The following PDE1C variants were observed in gnomAD, a reference collection of about 807,000 sequenced individuals.
PDE1C encodes the protein dual specificity calcium/calmodulin-dependent 3',5'-cyclic nucleotide phosphodiesterase 1C.
Under a neutral mutation model 93.1 loss-of-function variants are expected in PDE1C, and 62 were observed. That is an observed-to-expected ratio of 0.67 (90% confidence interval 0.54 to 0.82). PDE1C has a LOEUF of 0.82. PDE1C is among the 40% of genes least tolerant of loss of function. PDE1C has a pLI of 0.00. For synonymous variants in PDE1C, 325 were observed against 310.1 expected (o/e 1.05, Z -0.50); for missense variants, 742 against 884.6 (o/e 0.84, Z 2.04).
At chr7:31,775,761 A>T (rs774480230) in intron 16 of PDE1C, 29 bp from the exon 17 acceptor site, 15 of 1,593,596 alleles carry the variant, frequency 9.4e-6, no homozygotes, top group Non-Finnish European at 1.3e-5. Flanking sequence ...GGATAAGGAA[A>T]AGTAGGATTG....
At chr7:31,800,515 T>C (rs931864143) in intron 16 of PDE1C, among the ~76,000 whole-genome samples, 9 of 151,570 alleles carry the variant, frequency 5.9e-5, no homozygotes, top group Non-Finnish European at 1.0e-4. Flanking sequence ...GGAATTGTCT[T>C]TGCCCTTTAT....
At chr7:31,918,418 G>A (rs933589740) in intron 2 of PDE1C, among the ~76,000 whole-genome samples, 7 of 152,198 alleles carry the variant, frequency 4.6e-5, no homozygotes, top group Non-Finnish European at 1.0e-4. Context: ...GTAACCCCAC[G>A]AAGACCCAAG....
At chr7:31,887,878 A>T (rs1032519063) in intron 2 of PDE1C, among the ~76,000 whole-genome samples, 3 of 152,230 alleles carry the variant, frequency 2.0e-5, no homozygotes, top group African/African-American at 7.2e-5. Context: ...CAAAGGTTAA[A>T]TCACAAAATA....
intron 17 of PDE1C, among the ~76,000 whole-genome samples, chr7:31,773,618 C>T (rs77480933): frequency 0.018 from 2,718 of 152,126 alleles, 81 homozygotes; most frequent in African/African-American, 0.061. Context: ...CTACTCACTA[C>T]TCAAAAGCAA....
At chr7:32,151,780 G>C (rs1801274413) in intron 3 of PDE1C, among the ~76,000 whole-genome samples, 1 of 152,168 alleles carries the variant, frequency 6.6e-6, no homozygotes, top group Non-Finnish European at 1.5e-5. Flanking sequence ...GGAAGAAGGA[G>C]TTACAACAGA....
At chr7:32,086,244 C>G (rs1797064586) in intron 3 of PDE1C, among the ~76,000 whole-genome samples, 1 of 148,098 alleles carries the variant, frequency 6.8e-6, no homozygotes, top group African/African-American at 2.5e-5. Context: ...TGAGTGAACT[C>G]CCATTCACAA....
the PDE1C span, chr7:31,642,858 G>A: frequency 6.2e-7 from 1 of 1,613,994 alleles, no homozygotes; most frequent in Non-Finnish European, 8.5e-7. Context: ...TGGAACAAAG[G>A]GCCTCAGTAT....
chr7:31,973,832 A>G (rs970751180), intron 2 of PDE1C, among the ~76,000 whole-genome samples: 1 of 152,186 alleles, frequency 6.6e-6, no homozygotes, highest in African/African-American at 2.4e-5. Context: ...GTATAGTAGT[A>G]TGGAATCATG....
the PDE1C span, among the ~76,000 whole-genome samples, chr7:31,731,639 C>A: frequency 6.6e-6 from 1 of 152,158 alleles, no homozygotes; most frequent in Non-Finnish European, 1.5e-5. Flanking sequence ...CCACCCTCCT[C>A]GGCCTCCCAA....
the PDE1C span, among the ~76,000 whole-genome samples, chr7:31,620,745 A>G: frequency 0.54 from 82,377 of 151,762 alleles, 22,903 homozygotes; most frequent in East Asian, 0.83. Context: ...CAGCAATGGA[A>G]CAAAGCTGGA....
intron 2 of PDE1C, among the ~76,000 whole-genome samples, chr7:32,011,159 T>C (rs73316387): frequency 2.0e-5 from 3 of 152,086 alleles, no homozygotes; most frequent in Non-Finnish European, 2.9e-5. Context: ...ATCTGAAATA[T>C]ACAAAGACTT....
At chr7:32,150,691 AGTTAAT>A (rs1224819928) in intron 3 of PDE1C, among the ~76,000 whole-genome samples, 1 of 152,202 alleles carries the variant, frequency 6.6e-6, no homozygotes, top group Non-Finnish European at 1.5e-5. Context: ...ACTCCCAATG[AGTTAAT>A]GTATGCAAAG....
At chr7:32,190,861 A>G (rs1332541640) in intron 2 of PDE1C, among the ~76,000 whole-genome samples, 2 of 152,192 alleles carry the variant, frequency 1.3e-5, no homozygotes, top group Non-Finnish European at 2.9e-5. Flanking sequence ...CTGGGGAGTC[A>G]GGCCAGGCTT....
At chr7:31,682,073 A>T in the PDE1C span, among the ~76,000 whole-genome samples, 1 of 152,186 alleles carries the variant, frequency 6.6e-6, no homozygotes, top group East Asian at 1.9e-4. Flanking sequence ...TTAGCTGTCT[A>T]CTTGACCTCC....
chr7:32,369,542 A>G (rs978996493), intron 1 of PDE1C, among the ~76,000 whole-genome samples: 2 of 152,208 alleles, frequency 1.3e-5, no homozygotes, highest in Non-Finnish European at 2.9e-5. Flanking sequence ...GTTGGTGGGA[A>G]TCTAAACTAG....
chr7:32,047,510 T>C (rs1264305629), intron 2 of PDE1C, among the ~76,000 whole-genome samples: 3 of 152,156 alleles, frequency 2.0e-5, no homozygotes, highest in African/African-American at 7.2e-5. Flanking sequence ...ACTTATGAAA[T>C]CACTCTTTCT....
intron 1 of PDE1C, among the ~76,000 whole-genome samples, chr7:32,053,195 A>G (rs1206258375): frequency 6.6e-6 from 1 of 152,192 alleles, no homozygotes; most frequent in Non-Finnish European, 1.5e-5. Flanking sequence ...ATAAAGTGGG[A>G]AGAATCAGAG....
the PDE1C span, among the ~76,000 whole-genome samples, chr7:31,691,954 A>G: frequency 6.6e-6 from 1 of 152,110 alleles, no homozygotes; most frequent in Admixed American, 6.5e-5. Context: ...TATTTAATAG[A>G]TGTGTGACTA....
At chr7:32,191,214 A>G (rs931596703) in intron 2 of PDE1C, among the ~76,000 whole-genome samples, 3 of 152,194 alleles carry the variant, frequency 2.0e-5, no homozygotes, top group Non-Finnish European at 4.4e-5. Context: ...AAGAAATAAT[A>G]TGGAGATTCC....
Sources: gnomAD v4.1 joint callset for allele counts (sites outside exome capture counted in the v4.1 genomes callset) on GRCh38, gnomAD v4.1.1 for gene constraint, MANE v1.5 for transcripts, NCBI Gene and HGNC (gene_info 2026-07-23, HGNC 2026-07-21) for gene names.